The following BTN3A1 variants were observed in gnomAD, a reference collection of about 807,000 sequenced individuals.
BTN3A1 encodes the protein butyrophilin subfamily 3 member A1.
A neutral mutation model predicts 43.0 loss-of-function variants in BTN3A1; 24 were observed. That is an observed-to-expected ratio of 0.56 (90% CI 0.40 to 0.78). BTN3A1 has a LOEUF of 0.78. Among genes scored for constraint, BTN3A1 ranks in the 30% least tolerant of loss-of-function variants. BTN3A1 has a pLI of 0.00. For missense variants in BTN3A1, 533 were observed against 626.2 expected, an observed-to-expected ratio of 0.85 and a Z score of 1.59; for synonymous variants, 181 against 234.7, an observed-to-expected ratio of 0.77 and a Z score of 2.09.
intron 1 of BTN3A1, chr6:26,404,538 A>G (rs1418127121): frequency 2.0e-5 from 3 of 152,224 alleles, no homozygotes; most frequent in East Asian, 3.8e-4. Flanking sequence ...TCCGTTATCT[A>G]GGTTCATGAC....
intron 9 of BTN3A1, 166 bp from the exon 10 acceptor site, chr6:26,413,003 G>A (rs1358900198): frequency 6.1e-6 from 9 of 1,465,350 alleles, no homozygotes; most frequent in Non-Finnish European, 9.0e-7. Context: ...CCTGATACCT[G>A]GGGCTTTCTC....
At chr6:26,411,025 A>C in intron 7 of BTN3A1, 84 bp from the exon 8 acceptor site, 1 of 796,992 alleles carries the variant, frequency 1.3e-6, no homozygotes, top group Non-Finnish European at 2.0e-6. Context: ...AAAAAAAAAG[A>C]TTAGATGGAT....
At position 26,402,401 on chromosome 6, in the gene BTN3A1, G is replaced by A. The variant is rs1394460590; in HGVS notation, c.-204G>A. 6.6e-6 allele frequency: 1 copy of A among 152,256 alleles called. No individual in the cohort carries two copies. Among genetic ancestry groups the A allele is most frequent in the African/African-American group, 2.4e-5 (1 of 41,464 alleles). The allele number at this position is 152,256 out of a possible 1,614,324, so 9.4% of individuals were successfully genotyped here. On this transcript the variant is annotated 5_prime_UTR_variant, in exon 1 of 10. Transcript: ENST00000289361. ...TCTGTGGGCTGTGATTTTCAGAGGG[G>A]AATGCTAAGAGGTGAGTGGGGGAAG...
intron 9 of BTN3A1, chr6:26,412,751 A>T: frequency 6.4e-7 from 1 of 1,551,456 alleles, no homozygotes; most frequent in South Asian, 1.2e-5. Context: ...AATAAATTGG[A>T]TGTATGGAAA....
In BTN3A1 at chr6:26,413,493, G is replaced by A. The variant is rs1762291873; in HGVS notation, c.1343G>A (p.Arg448Lys). Residue 448 changes from arginine (R) to lysine (K), a missense_variant, in exon 10 of 10, where the codon AGA (arginine) becomes AAA (lysine). Physicochemically the swap from Arg to Lys is conservative, Grantham distance 26. This residue lies in a region of BTN3A1 where 415 missense variants were observed against 427.0 expected (regional missense o/e 0.97). Coordinates refer to ENST00000289361, the MANE Select transcript of BTN3A1 (RefSeq NM_007048.6). ...AAGTATCGGACTCTAACTGAGCCCA[G>A]AACCAACCTGAAACTTCCTAAGCCC... ...GNKYRTLTEPRTNLKLPKPPK... is the reference protein window; with the variant it reads ...GNKYRTLTEPKTNLKLPKPPK... 3 of 1,614,142 alleles carry A rather than the reference G, an allele frequency of 1.9e-6. No homozygotes were observed. Among genetic ancestry groups the A allele is most frequent in the Non-Finnish European group, 2.5e-6 (3 of 1,180,028 alleles).
At chr6:26,406,866 T>A (rs142596395) in intron 3 of BTN3A1, among the ~76,000 whole-genome samples, 46 of 152,306 alleles carry the variant, frequency 3.0e-4, no homozygotes, top group African/African-American at 9.6e-4. Flanking sequence ...CTGCTCTGGA[T>A]GAGACACTGC....
At chr6:26,406,677 A>G (rs1235856190) in intron 3 of BTN3A1, among the ~76,000 whole-genome samples, 1 of 152,214 alleles carries the variant, frequency 6.6e-6, no homozygotes, top group Non-Finnish European at 1.5e-5. Context: ...TCTTGAGCCA[A>G]TGACCCTAGA....
At chr6:26,412,662 T>C (rs1762258932) in intron 9 of BTN3A1, 1 of 1,551,080 alleles carries the variant, frequency 6.4e-7, no homozygotes, top group Non-Finnish European at 8.7e-7. Flanking sequence ...CATGATTGCC[T>C]TCTACAGCGC....
chr6:26,411,193 C>T lies in BTN3A1; in HGVS notation c.991+58C>T, dbSNP rs368955727. The T allele has an allele frequency of 2.6e-6, 4 of 1,566,716 alleles. No homozygotes were observed. In the African/African-American group the frequency reaches 4.1e-5, roughly 16 times the overall value. The stretch of plus-strand genomic sequence containing the variant: ...GGACACGTGCCATGAACATTTCAAC[C>T]TTTTCTCTGCTGTGACCCATTGATG... On this transcript the variant is annotated intron_variant, in intron 8 of 9. Coordinates refer to ENST00000289361, the MANE Select transcript of BTN3A1 (RefSeq NM_007048.6).
chr6:26,411,016 A>AG lies in BTN3A1; in HGVS notation c.965-93_965-92insG, dbSNP rs895607166. The AG allele has an allele frequency of 1.4e-5, 16 of 1,115,070 alleles. No homozygotes were observed. The South Asian group carries it at 2.7e-4, about 19-fold the overall frequency. The allele number at this position is 1,115,070 out of a possible 1,614,324, so 69.1% of individuals were successfully genotyped here. On this transcript the variant is annotated intron_variant, in intron 7 of 9. Coordinates refer to ENST00000289361, the MANE Select transcript of BTN3A1 (RefSeq NM_007048.6). Reference sequence around the variant, plus strand: ...TACAGGTGGTAAAAAAAAAAAAAAAAAAAAAAAGATTAGATGGATGTAAAG... The same window carrying AG: ...TACAGGTGGTAAAAAAAAAAAAAAAAGAAAAAAAGATTAGATGGATGTAAAG...
chr6:26,411,023 A>T, intron 7 of BTN3A1, 86 bp from the exon 8 acceptor site: 70 of 1,012,884 alleles, frequency 6.9e-5, no homozygotes, highest in Admixed American at 8.5e-5. Flanking sequence ...AAAAAAAAAA[A>T]GATTAGATGG....
intron 2 of BTN3A1, 110 bp from the exon 3 acceptor site, chr6:26,405,799 T>A: frequency 6.3e-7 from 1 of 1,594,812 alleles, no homozygotes; most frequent in Non-Finnish European, 8.6e-7. Context: ...TTAAGATCAG[T>A]TTCCCCCACC....
At position 26,405,991 on chromosome 6, in the gene BTN3A1, G is replaced by A. The variant is rs749473171; in HGVS notation, c.168G>A (p.Pro56=). 1.2e-5 allele frequency: 19 copies of A among 1,610,824 alleles called. No individual in the cohort carries two copies. Among genetic ancestry groups the A allele is most frequent in the East Asian group, 2.2e-5 (1 of 44,880 alleles). The change falls in exon 3 of 10, where the codon CCG becomes CCA. Residue 56 remains proline, a synonymous_variant. Coordinates refer to ENST00000289361, the MANE Select transcript of BTN3A1 (RefSeq NM_007048.6). ...CTGATCTGCCCTGTCACCTGTTCCCGACCATGAGTGCAGAGACCATGGAGC... is the reference window on the plus strand; with the variant it reads ...CTGATCTGCCCTGTCACCTGTTCCCAACCATGAGTGCAGAGACCATGGAGC... ...EDADLPCHLF[P]TMSAETMELK...
chr6:26,406,935 A>G (rs915135149), intron 3 of BTN3A1, among the ~76,000 whole-genome samples: 4 of 152,188 alleles, frequency 2.6e-5, no homozygotes, highest in Non-Finnish European at 5.9e-5. Context: ...CTTATCTAGG[A>G]AGAAAGAGAC....
intron 7 of BTN3A1, 68 bp from the exon 8 acceptor site, chr6:26,411,041 G>A: frequency 1.1e-6 from 1 of 940,514 alleles, no homozygotes. Context: ...TGGATGTAAA[G>A]TTAAGGGAAT....
At chr6:26,409,481 T>C (rs1762129771) in intron 4 of BTN3A1, 52 bp from the exon 5 acceptor site, 2 of 1,566,922 alleles carry the variant, frequency 1.3e-6, no homozygotes, top group Non-Finnish European at 1.8e-6. Flanking sequence ...CGCTGCAGTC[T>C]GGGGAGGCTG....
At chr6:26,411,236 C>A in intron 8 of BTN3A1, 101 bp downstream of exon 8, 1 of 1,427,712 alleles carries the variant, frequency 7.0e-7, no homozygotes, top group Non-Finnish European at 9.6e-7. Flanking sequence ...TTGCATGAAT[C>A]AGATTTAACC....
chr6:26,402,829 G>A (rs1761897746), intron 1 of BTN3A1, among the ~76,000 whole-genome samples: 1 of 152,108 alleles, frequency 6.6e-6, no homozygotes, highest in Non-Finnish European at 1.5e-5. Context: ...TACAACAGGC[G>A]GGGGATAGAC....
In BTN3A1 at chr6:26,402,791, T is replaced by G. The variant is rs568560227; in HGVS notation, c.-193+379T>G. Among the ~76,000 whole-genome samples the G allele has an allele frequency of 3.9e-5, 6 of 152,254 alleles. No homozygotes were observed. In the East Asian group the frequency reaches 1.2e-3, roughly 29 times the overall value. ...TTGTTCATTACAGAAGTATTAAAAA[T>G]GTAGAAAAACCTGAACCAGCATACA... On this transcript the variant is annotated intron_variant, in intron 1 of 9. Coordinates refer to ENST00000289361, the MANE Select transcript of BTN3A1 (RefSeq NM_007048.6).
Sources: gnomAD v4.1 joint callset for allele counts (sites outside exome capture counted in the v4.1 genomes callset) on GRCh38, gnomAD v4.1.1 for gene constraint, gnomAD v4.1.1 regional missense constraint, MANE v1.5 for transcripts, NCBI Gene and HGNC (gene_info 2026-07-23, HGNC 2026-07-21) for gene names.